Variants in NEXMIF observed in about 807,000 individuals in gnomAD.
NEXMIF encodes the protein neurite extension and migration factor.
Under a neutral mutation model 62.1 loss-of-function variants are expected in NEXMIF, and 8 were observed. The observed-to-expected ratio is 0.13, with a 90% CI of 0.08 to 0.23. NEXMIF has a LOEUF of 0.23. Among genes scored for constraint, NEXMIF ranks in the 10% least tolerant of loss-of-function variants. The pLI is 1.00. For synonymous variants in NEXMIF, 404 were observed against 416.6 expected (o/e 0.97, Z 0.37); for missense variants, 976 against 1,113.3 (o/e 0.88, Z 1.75).
chrX:74,924,359 G>T (rs978720941), intron 1 of NEXMIF, among the ~76,000 whole-genome samples: 16 of 112,873 alleles, frequency 1.4e-4, no homozygotes, highest in African/African-American at 5.1e-4. Context: ...CCTGTCCGCA[G>T]CCTCGGCCGA....
At chrX:74,881,411 CACACACACACACAG>C (rs1399968399) in intron 1 of NEXMIF, among the ~76,000 whole-genome samples, 1 of 102,388 alleles carries the variant, frequency 9.8e-6, no homozygotes, top group Non-Finnish European at 1.9e-5. Flanking sequence ...CACACACACA[CACACACACACACAG>C]AGCAAATACA....
intron 1 of NEXMIF, among the ~76,000 whole-genome samples, chrX:74,884,165 C>A (rs1428471062): frequency 8.9e-6 from 1 of 111,915 alleles, no homozygotes; most frequent in African/African-American, 3.3e-5. Flanking sequence ...TGGAAAGGAA[C>A]AACCAGTACC....
chrX:74,850,028 CAT>C (rs2080507417), intron 1 of NEXMIF, among the ~76,000 whole-genome samples: 2 of 112,549 alleles, frequency 1.8e-5, no homozygotes, highest in Non-Finnish European at 3.8e-5. Context: ...AGTGCCCACA[CAT>C]ATGACTGAGG....
chrX:74,865,966 A>G (rs1197070408), intron 1 of NEXMIF, among the ~76,000 whole-genome samples: 1 of 111,419 alleles, frequency 9.0e-6, no homozygotes, highest in African/African-American at 3.3e-5. Flanking sequence ...GTGGAAGGCA[A>G]ATATGGGGTG....
At chrX:74,791,379 C>T (rs1488264044) in intron 1 of NEXMIF, among the ~76,000 whole-genome samples, 3 of 111,335 alleles carry the variant, frequency 2.7e-5, no homozygotes, top group African/African-American at 9.8e-5. Context: ...TTCGGTTTGC[C>T]AGTATTTTAT....
intron 1 of NEXMIF, among the ~76,000 whole-genome samples, chrX:74,830,480 G>T (rs1004326832): frequency 2.7e-5 from 3 of 111,497 alleles, no homozygotes; most frequent in African/African-American, 9.8e-5. Flanking sequence ...AAGAACTCAG[G>T]TAATGTGATT....
intron 1 of NEXMIF, among the ~76,000 whole-genome samples, chrX:74,892,939 T>TA (rs2080722431): frequency 3.4e-5 from 3 of 88,770 alleles, no homozygotes; most frequent in African/African-American, 2.0e-4. Context: ...AAGGAAAGGA[T>TA]GGAGAGAGAG....
intron 1 of NEXMIF, among the ~76,000 whole-genome samples, chrX:74,834,217 T>C (rs1056143211): frequency 9.0e-6 from 1 of 111,392 alleles, no homozygotes; most frequent in African/African-American, 3.3e-5. Context: ...ACTTTTTAAC[T>C]TTTTGTTGTT....
At position 74,742,616 on chromosome X, in the gene NEXMIF, T is replaced by C. The variant is rs2147440581; in HGVS notation, c.1941A>G (p.Ser647=). 1 of 1,211,394 alleles carries C rather than the reference T, an allele frequency of 8.3e-7. No individual in the cohort carries two copies. Residue 647 remains serine, a synonymous_variant, in exon 3 of 4, where the codon TCA becomes TCG. Transcript: ENST00000055682. ...RIQRIPSIEI[S]ASSKQISLCN... ...ATAATGAAATCTGTTTACTACTTGC[T>C]GAAATTTCAATGGATGGGATTCTTT...
intron 1 of NEXMIF, among the ~76,000 whole-genome samples, chrX:74,847,775 C>T (rs1016485907): frequency 4.5e-5 from 5 of 111,098 alleles, no homozygotes; most frequent in Non-Finnish European, 7.5e-5. Context: ...AAAAAGTATC[C>T]ATGTCAACTC....
chrX:74,799,198 G>C (rs2080321671), intron 1 of NEXMIF, among the ~76,000 whole-genome samples: 2 of 110,585 alleles, frequency 1.8e-5, no homozygotes, highest in African/African-American at 6.6e-5. Flanking sequence ...ACTAGTTGTT[G>C]AGTCAATAAA....
chrX:74,751,902 C>T (rs910361272), intron 1 of NEXMIF, among the ~76,000 whole-genome samples: 1 of 106,691 alleles, frequency 9.4e-6, no homozygotes, highest in Admixed American at 1.0e-4. Context: ...AGTGCAACAG[C>T]GCGATCTTGC....
chrX:74,750,882 T>A (rs369999619), intron 1 of NEXMIF, among the ~76,000 whole-genome samples: 1 of 111,403 alleles, frequency 9.0e-6, no homozygotes, highest in East Asian at 2.8e-4. Context: ...ATTCTATATA[T>A]CTCAAAAGTA....
chrX:74,808,627 G>A (rs1444023056), intron 1 of NEXMIF, among the ~76,000 whole-genome samples: 1 of 112,009 alleles, frequency 8.9e-6, no homozygotes, highest in Non-Finnish European at 1.9e-5. Context: ...TTCTGGAAGC[G>A]ATTACAGAGA....
Position 74,923,102 on chromosome X carries a change from A to AG in NEXMIF, c.-48+1780dup, listed in dbSNP as rs200130834. On this transcript the variant is annotated intron_variant, in intron 1 of 3. Transcript: ENST00000055682. ...CAAAAATGTCTAATCACTAGCCACC[A>AG]GGGCTAGTTTCAGTTCCTCTATTGT... is the stretch of plus-strand genomic sequence containing the variant. 2.3e-3 allele frequency among the ~76,000 whole-genome samples: 259 copies of AG among 112,098 alleles called. 3 individuals are homozygous for AG. The East Asian group carries it at 0.062, about 27-fold the overall frequency.
At chrX:74,850,679 G>C (rs1045186973) in intron 1 of NEXMIF, among the ~76,000 whole-genome samples, 8 of 111,078 alleles carry the variant, frequency 7.2e-5, no homozygotes, top group African/African-American at 2.0e-4. Flanking sequence ...AAGCCAAGGT[G>C]CCCTACCCAG....
At chrX:74,850,627 G>A (rs2080509672) in intron 1 of NEXMIF, among the ~76,000 whole-genome samples, 2 of 111,648 alleles carry the variant, frequency 1.8e-5, no homozygotes, top group African/African-American at 6.5e-5. Flanking sequence ...TACAACTGAA[G>A]AAATCATATA....
intron 1 of NEXMIF, among the ~76,000 whole-genome samples, chrX:74,840,147 G>T (rs764757895): frequency 2.7e-5 from 3 of 111,779 alleles, no homozygotes; most frequent in Non-Finnish European, 5.6e-5. Context: ...GTTTTGATTT[G>T]CATATCTCTA....
At chrX:74,839,535 A>G (rs1422362727) in intron 1 of NEXMIF, among the ~76,000 whole-genome samples, 2 of 111,843 alleles carry the variant, frequency 1.8e-5, no homozygotes, top group Non-Finnish European at 3.8e-5. Flanking sequence ...AGTACCCAAT[A>G]GTTATCTTTT....
Sources: gnomAD v4.1 joint callset for allele counts (sites outside exome capture counted in the v4.1 genomes callset) on GRCh38, gnomAD v4.1.1 for gene constraint, MANE v1.5 for transcripts, NCBI Gene and HGNC (gene_info 2026-07-23, HGNC 2026-07-21) for gene names.